The following ZRANB3 variants were observed in gnomAD, a reference collection of about 807,000 sequenced individuals.
ZRANB3 encodes DNA annealing helicase and endonuclease ZRANB3.
ZRANB3 carries 125 observed loss-of-function variants against 133.8 expected under a neutral mutation model. The observed-to-expected ratio is 0.93, with a 90% CI of 0.81 to 1.08. ZRANB3 has a LOEUF of 1.08. Among genes scored for constraint, ZRANB3 ranks in the 50% least tolerant of loss-of-function variants. The pLI is 0.00. For synonymous variants in ZRANB3, 387 were observed against 432.7 expected, an observed-to-expected ratio of 0.89 and a Z score of 1.31; for missense variants, 1,229 against 1,275.5, an observed-to-expected ratio of 0.96 and a Z score of 0.56.
chr2:135,312,854 A>G (rs918401318), intron 8 of ZRANB3, among the ~76,000 whole-genome samples: 1 of 151,686 alleles, frequency 6.6e-6, no homozygotes, highest in Non-Finnish European at 1.5e-5. Context: ...GTCTCTACTA[A>G]AAGTATTAAA....
At chr2:135,284,059 A>G (rs1325317065) in intron 8 of ZRANB3, among the ~76,000 whole-genome samples, 2 of 152,198 alleles carry the variant, frequency 1.3e-5, no homozygotes, top group Non-Finnish European at 2.9e-5. Context: ...CTATTAAGCT[A>G]TCTTTGTTGA....
rs1020733323 is a variant in ZRANB3 at position 135,376,068 on chromosome 2, T to C, written c.180+14734A>G. On this transcript the variant is annotated intron_variant, in intron 3 of 20. Transcript: ENST00000264159. ...CAGTGTCCCTATAAGGGAAGAGGCATAGACACTCTGGGAGAATGGCGTGTG... is the reference window on the plus strand; with the variant it reads ...CAGTGTCCCTATAAGGGAAGAGGCACAGACACTCTGGGAGAATGGCGTGTG... Among the ~76,000 whole-genome samples, 154 of 152,306 alleles carry C rather than the reference T, an allele frequency of 1.0e-3. 1 individual carries two copies. The highest frequency in any genetic ancestry group is 3.5e-3 in the African/African-American group (146 of 41,562).
Position 135,504,354 on chromosome 2 carries a change from T to C in ZRANB3, c.136A>G (p.Ile46Val). The C allele has an allele frequency of 1.2e-6, 2 of 1,613,602 alleles. No individual in the cohort carries two copies. Among genetic ancestry groups the C allele is most frequent in the South Asian group, 2.2e-5 (2 of 91,044 alleles). The part of the protein sequence containing the change: ...KLLPFQKDGI[I>V]FALKRNGRCM... The stretch of plus-strand genomic sequence containing the variant: ...CTGCCATTTCTTTTGAGGGCAAAAA[T>C]GATGCCATCTTTCTGGAATGGAAGT... The change falls in exon 2 of 21, where the codon ATT becomes GTT. Residue 46 changes from isoleucine (I) to valine (V), a missense_variant. By Grantham distance (29) the Ile-to-Val change is conservative. Transcript: ENST00000264159.
At chr2:135,503,914 G>A (rs1199353504) in intron 2 of ZRANB3, among the ~76,000 whole-genome samples, 1 of 152,078 alleles carries the variant, frequency 6.6e-6, no homozygotes, top group Non-Finnish European at 1.5e-5. Flanking sequence ...AGGTTGCAGT[G>A]AGCCAAGATC....
At chr2:135,432,978 T>C (rs1689384342) in intron 2 of ZRANB3, among the ~76,000 whole-genome samples, 1 of 152,178 alleles carries the variant, frequency 6.6e-6, no homozygotes, top group Non-Finnish European at 1.5e-5. Flanking sequence ...CTGAAGTGCT[T>C]ATTTTTCCCC....
chr2:135,331,888 TG>T (rs1684162521), intron 6 of ZRANB3, among the ~76,000 whole-genome samples: 1 of 152,046 alleles, frequency 6.6e-6, no homozygotes, highest in Admixed American at 6.6e-5. Context: ...TTTAAGAAAA[TG>T]TTTTTTTCTA....
intron 12 of ZRANB3, among the ~76,000 whole-genome samples, chr2:135,257,249 C>A (rs1679705446): frequency 6.6e-6 from 1 of 152,344 alleles, no homozygotes; most frequent in East Asian, 1.9e-4. Flanking sequence ...CAAATTCCTT[C>A]TTGCATGAGA....
At chr2:135,219,410 C>G (rs1694444394) in intron 15 of ZRANB3, among the ~76,000 whole-genome samples, 1 of 152,198 alleles carries the variant, frequency 6.6e-6, no homozygotes, top group East Asian at 1.9e-4. Flanking sequence ...CCATGCCTAG[C>G]CCAAGGCTAT....
chr2:135,335,125 T>C (rs996938223), intron 6 of ZRANB3, among the ~76,000 whole-genome samples: 1 of 152,040 alleles, frequency 6.6e-6, no homozygotes, highest in Non-Finnish European at 1.5e-5. Context: ...TAATTAACAA[T>C]CTTTAGGTAT....
chr2:135,228,792 T>C (rs1694866335), intron 13 of ZRANB3, among the ~76,000 whole-genome samples: 1 of 152,146 alleles, frequency 6.6e-6, no homozygotes, highest in African/African-American at 2.4e-5. Context: ...AATTATATTT[T>C]TTATATATAG....
At chr2:135,407,377 C>T (rs1240457354) in intron 2 of ZRANB3, among the ~76,000 whole-genome samples, 10 of 151,820 alleles carry the variant, frequency 6.6e-5, no homozygotes, top group Non-Finnish European at 1.0e-4. Context: ...GAATCAATAT[C>T]GTGAAAATGG....
intron 8 of ZRANB3, among the ~76,000 whole-genome samples, chr2:135,291,739 T>TC (rs1681747748): frequency 6.7e-6 from 1 of 149,966 alleles, no homozygotes; most frequent in Non-Finnish European, 1.5e-5. Flanking sequence ...ATGCTATCCC[T>TC]CCCCCCTTCC....
intron 2 of ZRANB3, among the ~76,000 whole-genome samples, chr2:135,420,094 TATATATA>T (rs1688770067): frequency 2.6e-5 from 2 of 76,168 alleles, no homozygotes; most frequent in African/African-American, 2.6e-4. Context: ...CTTAGATTTA[TATATATA>T]TATATATATA....
At position 135,245,926 on chromosome 2, in the gene ZRANB3, C is replaced by CAAAAAAAAAAAAA. The variant is rs1177438717; in HGVS notation, c.1540-15012_1540-15000dup. On this transcript the variant is annotated intron_variant, in intron 12 of 20. Coordinates refer to ENST00000264159, the MANE Select transcript of ZRANB3 (RefSeq NM_032143.4). The stretch of plus-strand genomic sequence containing the variant: ...GGGCAACGAGATTGAAACTCCGTCT[C>CAAAAAAAAAAAAA]AAAAAAAAAAAAAAAAAAAAAAGAG... Among the ~76,000 whole-genome samples the CAAAAAAAAAAAAA allele has an allele frequency of 4.6e-3, 89 of 19,538 alleles. 8 individuals carry two copies. The highest frequency in any genetic ancestry group is 0.015 in the East Asian group (2 of 132). The allele number at this position is 19,538 out of a possible 152,430, so 12.8% of individuals were successfully genotyped here.
intron 6 of ZRANB3, among the ~76,000 whole-genome samples, chr2:135,343,042 C>T (rs1319794087): frequency 7.2e-6 from 1 of 138,962 alleles, no homozygotes; most frequent in Non-Finnish European, 1.5e-5. Context: ...AAAACATTAG[C>T]AGGGCATGGC....
intron 3 of ZRANB3, among the ~76,000 whole-genome samples, chr2:135,390,533 T>A (rs550744622): frequency 6.6e-6 from 1 of 152,254 alleles, no homozygotes; most frequent in South Asian, 2.1e-4. Flanking sequence ...ATTTCAAAAC[T>A]CATTCATGCA....
chr2:135,313,466 C>T, intron 8 of ZRANB3, 23 bp downstream of exon 8: 1 of 1,469,718 alleles, frequency 6.8e-7, no homozygotes. Flanking sequence ...AAGACAAATA[C>T]ATGATGGCCC....
chr2:135,530,115 T>C (rs1021024874), intron 1 of ZRANB3, among the ~76,000 whole-genome samples: 1 of 149,938 alleles, frequency 6.7e-6, no homozygotes, highest in African/African-American at 2.5e-5. Context: ...TAATCCCAGC[T>C]ACTCCGGAGG....
At chr2:135,339,189 A>G (rs1684514580) in intron 6 of ZRANB3, among the ~76,000 whole-genome samples, 1 of 152,166 alleles carries the variant, frequency 6.6e-6, no homozygotes, top group Non-Finnish European at 1.5e-5. Context: ...GGGTGGGCGG[A>G]ACACCTCAGG....
Sources: allele counts gnomAD v4.1 joint callset (sites outside exome capture counted in the v4.1 genomes callset), GRCh38; gene constraint gnomAD v4.1.1; transcripts MANE v1.5; gene names NCBI Gene and HGNC (gene_info 2026-07-23, HGNC 2026-07-21).